NAALADL2: variants seen among roughly 807,000 people sequenced by gnomAD.
The protein encoded by NAALADL2 is inactive N-acetylated-alpha-linked acidic dipeptidase-like protein 2.
NAALADL2 carries 76 observed loss-of-function variants against 87.2 expected under a neutral mutation model. The observed-to-expected ratio is 0.87, with a 90% CI of 0.72 to 1.05. The LOEUF (loss-of-function observed/expected upper bound fraction) is 1.05, where lower values mean the gene tolerates loss of function less well. NAALADL2 is among the 50% of genes least tolerant of loss of function. The pLI, the probability that NAALADL2 is intolerant of heterozygous loss-of-function variation, is 0.00. For missense variants in NAALADL2, 1,089 were observed against 945.8 expected, an observed-to-expected ratio of 1.15 and a Z score of -1.99; for synonymous variants, 354 against 331.0, an observed-to-expected ratio of 1.07 and a Z score of -0.75.
At chr3:175,399,044 AAAAAAAT>A in intron 5 of NAALADL2, among the ~76,000 whole-genome samples, 1 of 152,134 alleles carries the variant, frequency 6.6e-6, no homozygotes, top group South Asian at 2.1e-4. Flanking sequence ...TAACCTAGTT[AAAAAAAT>A]AAAAAATAAA....
At chr3:174,469,581 A>C (rs2108307736) in intron 1 of NAALADL2, among the ~76,000 whole-genome samples, 1 of 152,068 alleles carries the variant, frequency 6.6e-6, no homozygotes, top group East Asian at 1.9e-4. Flanking sequence ...GGTACCCGCC[A>C]CCAAGTCCAG....
chr3:175,005,448 G>T (rs188606628), intron 1 of NAALADL2, among the ~76,000 whole-genome samples: 3 of 151,934 alleles, frequency 2.0e-5, no homozygotes, highest in Non-Finnish European at 4.4e-5. Context: ...TCTCAATGTC[G>T]AACCTCCTTG....
chr3:175,304,426 T>C (rs1190153231), intron 4 of NAALADL2, among the ~76,000 whole-genome samples: 1 of 152,220 alleles, frequency 6.6e-6, no homozygotes, highest in Non-Finnish European at 1.5e-5. Flanking sequence ...AAACCCTGTA[T>C]GCAAGTCTGG....
chr3:175,292,764 CG>C (rs1210683771), intron 4 of NAALADL2, among the ~76,000 whole-genome samples: 1 of 151,790 alleles, frequency 6.6e-6, no homozygotes, highest in Non-Finnish European at 1.5e-5. Context: ...CGTCCGGGCG[CG>C]GGTGGCTCAC....
intron 1 of NAALADL2, among the ~76,000 whole-genome samples, chr3:175,022,531 A>G (rs1285189968): frequency 6.6e-6 from 1 of 152,090 alleles, no homozygotes; most frequent in Non-Finnish European, 1.5e-5. Context: ...AGACAGTTAG[A>G]GAGAATGGTA....
intron 1 of NAALADL2, chr3:174,864,167 G>C (rs1579257196): frequency 4.7e-6 from 2 of 427,934 alleles, no homozygotes; most frequent in African/African-American, 4.2e-5. Flanking sequence ...AGGTACAAGA[G>C]AGGGTCTTTG....
At chr3:174,543,270 G>A (rs1311701286) in intron 1 of NAALADL2, among the ~76,000 whole-genome samples, 2 of 152,136 alleles carry the variant, frequency 1.3e-5, no homozygotes, top group African/African-American at 4.8e-5. Flanking sequence ...GATTGGCTAG[G>A]GGAGAGTTGT....
chr3:175,557,177 G>A (rs1326532608), intron 9 of NAALADL2, among the ~76,000 whole-genome samples: 2 of 152,032 alleles, frequency 1.3e-5, no homozygotes, highest in Non-Finnish European at 2.9e-5. Context: ...AATATCCTAT[G>A]GAAAATACAT....
intron 3 of NAALADL2, among the ~76,000 whole-genome samples, chr3:174,741,621 G>C (rs1231077743): frequency 6.6e-6 from 1 of 151,474 alleles, no homozygotes; most frequent in Non-Finnish European, 1.5e-5. Flanking sequence ...TTCATATAGT[G>C]AATAAAAAGC....
At chr3:175,538,302 A>G (rs998056529) in intron 9 of NAALADL2, among the ~76,000 whole-genome samples, 8 of 152,076 alleles carry the variant, frequency 5.3e-5, no homozygotes, top group Non-Finnish European at 1.2e-4. Context: ...TATTACACCA[A>G]TTATTTTAAG....
At chr3:175,631,436 G>C (rs1050525577) in intron 11 of NAALADL2, among the ~76,000 whole-genome samples, 1 of 146,532 alleles carries the variant, frequency 6.8e-6, no homozygotes, top group African/African-American at 2.5e-5. Context: ...GCTTTCCACT[G>C]TTTCCCTGTA....
chr3:175,784,324 A>T (rs980257443), intron 13 of NAALADL2, among the ~76,000 whole-genome samples: 1 of 152,096 alleles, frequency 6.6e-6, no homozygotes, highest in South Asian at 2.1e-4. Context: ...CTGTGAATCC[A>T]TCTGGTCCTG....
At chr3:175,369,338 C>A (rs923393891) in intron 5 of NAALADL2, among the ~76,000 whole-genome samples, 2 of 151,600 alleles carry the variant, frequency 1.3e-5, no homozygotes, top group African/African-American at 2.4e-5. Context: ...TGCCTGTGTG[C>A]GTGTGTGTAC....
At chr3:175,025,025 C>A (rs995966678) in intron 1 of NAALADL2, among the ~76,000 whole-genome samples, 1 of 152,098 alleles carries the variant, frequency 6.6e-6, no homozygotes, top group African/African-American at 2.4e-5. Flanking sequence ...ATTTAAGTAA[C>A]ATAACTAAAA....
At chr3:175,438,633 G>T (rs1294064346) in intron 5 of NAALADL2, among the ~76,000 whole-genome samples, 2 of 152,028 alleles carry the variant, frequency 1.3e-5, no homozygotes, top group South Asian at 4.2e-4. Context: ...CTTTTAGTTT[G>T]TCAGTCTTTT....
intron 2 of NAALADL2, among the ~76,000 whole-genome samples, chr3:174,728,055 G>GT (rs974457994): frequency 3.2e-4 from 49 of 151,898 alleles, no homozygotes; most frequent in African/African-American, 9.4e-4. Context: ...TGATAACTCA[G>GT]TTTTTTTTAG....
intron 10 of NAALADL2, among the ~76,000 whole-genome samples, chr3:175,596,387 G>T (rs972934965): frequency 6.6e-6 from 1 of 151,854 alleles, no homozygotes; most frequent in African/African-American, 2.4e-5. Context: ...ATTTTAGAGA[G>T]AATTTTTATG....
chr3:174,795,192 T>G (rs1037163032), intron 3 of NAALADL2, among the ~76,000 whole-genome samples: 1 of 151,484 alleles, frequency 6.6e-6, no homozygotes, highest in Non-Finnish European at 1.5e-5. Context: ...AGACAGGGTT[T>G]CTCCATGTTG....
intron 2 of NAALADL2, among the ~76,000 whole-genome samples, chr3:174,730,073 C>T (rs1024476199): frequency 2.0e-5 from 3 of 151,978 alleles, no homozygotes; most frequent in African/African-American, 7.2e-5. Flanking sequence ...AATTTCAGAG[C>T]CTTACCCTTA....
Sources: gnomAD v4.1 joint callset for allele counts (sites outside exome capture counted in the v4.1 genomes callset) on GRCh38, gnomAD v4.1.1 for gene constraint, MANE v1.5 for transcripts, NCBI Gene and HGNC (gene_info 2026-07-23, HGNC 2026-07-21) for gene names.